Variants in TENM2 observed in about 807,000 individuals in gnomAD.
TENM2 encodes the protein teneurin transmembrane protein 2.
Under a neutral mutation model 245.2 loss-of-function variants are expected in TENM2, and 52 were observed. That is an observed-to-expected ratio of 0.21 (90% CI 0.17 to 0.27). The LOEUF (loss-of-function observed/expected upper bound fraction) is 0.27. TENM2 is among the 10% of genes least tolerant of loss of function. TENM2 has a pLI of 1.00. For missense variants in TENM2, 3,046 were observed against 3,666.8 expected (o/e 0.83, Z 4.37); for synonymous variants, 1,363 against 1,438.9 (o/e 0.95, Z 1.19).
intron 2 of TENM2, among the ~76,000 whole-genome samples, chr5:167,451,949 G>A (rs747420417): frequency 6.6e-6 from 1 of 152,054 alleles, no homozygotes; most frequent in Non-Finnish European, 1.5e-5. Flanking sequence ...GCGTCTGGCA[G>A]CAACTGATTT....
Position 167,595,630 on chromosome 5 carries a change from G to T in TENM2, c.502+220157G>T, listed in dbSNP as rs116805111. 3.9e-3 allele frequency among the ~76,000 whole-genome samples: 592 copies of T among 152,298 alleles called. 3 individuals are homozygous for T. The highest frequency in any genetic ancestry group is 0.013 in the African/African-American group (553 of 41,562). ...ATAAATAGAGAGCCATTTGGATTTC[G>T]TTAGTTGTTTAGTATTCCTTTAGCA... is the stretch of plus-strand genomic sequence containing the variant. On this transcript the variant is annotated intron_variant, in intron 2 of 28. Transcript: ENST00000518659.
chr5:167,453,339 A>C (rs1345323054), intron 2 of TENM2, among the ~76,000 whole-genome samples: 3 of 152,130 alleles, frequency 2.0e-5, no homozygotes, highest in Admixed American at 6.5e-5. Context: ...CACATCTTCC[A>C]CCAATCTGTC....
At chr5:167,751,993 T>G (rs1761989514) in intron 2 of TENM2, among the ~76,000 whole-genome samples, 1 of 151,910 alleles carries the variant, frequency 6.6e-6, no homozygotes, top group African/African-American at 2.4e-5. Context: ...CACACGATTG[T>G]GCAAATAAAT....
chr5:168,160,559 C>T (rs979439211), intron 12 of TENM2, among the ~76,000 whole-genome samples: 1 of 152,212 alleles, frequency 6.6e-6, no homozygotes, highest in African/African-American at 2.4e-5. Context: ...GACTGGCCCA[C>T]ATAGGTCTCT....
intron 2 of TENM2, among the ~76,000 whole-genome samples, chr5:167,376,807 G>A (rs1760778087): frequency 6.6e-6 from 1 of 152,100 alleles, no homozygotes; most frequent in South Asian, 2.1e-4. Context: ...ACTTTTAGAA[G>A]TTTCCATAAA....
chr5:167,139,998 T>C, the TENM2 span, among the ~76,000 whole-genome samples: 1 of 152,196 alleles, frequency 6.6e-6, no homozygotes, highest in African/African-American at 2.4e-5. Flanking sequence ...CTTTCCTTTT[T>C]GCAGATGATG....
At chr5:168,084,249 T>C (rs1792253893) in intron 7 of TENM2, among the ~76,000 whole-genome samples, 1 of 152,194 alleles carries the variant, frequency 6.6e-6, no homozygotes, top group South Asian at 2.1e-4. Flanking sequence ...GGTAGAAGGA[T>C]TTGTTTTCTT....
At position 168,226,917 on chromosome 5, in the gene TENM2, A is replaced by AAAG. The variant is rs1210807482; in HGVS notation, c.5284+655_5284+657dup. 9.9e-5 allele frequency among the ~76,000 whole-genome samples: 15 copies of AAAG among 152,222 alleles called. No individual in the cohort carries two copies. The East Asian group carries it at 1.2e-3, about 12-fold the overall frequency. On this transcript the variant is annotated intron_variant, in intron 24 of 28. Transcript: ENST00000518659. ...TGGGCTAGCCCGTTGTCAGAGGATA[A>AAAG]AAGTGTCCTCTCAGTAGATAAATGG... is the stretch of plus-strand genomic sequence containing the variant.
the TENM2 span, among the ~76,000 whole-genome samples, chr5:167,077,612 T>C: frequency 6.6e-6 from 1 of 152,206 alleles, no homozygotes; most frequent in Non-Finnish European, 1.5e-5. Context: ...AATTATGTAT[T>C]TTTAAATCAT....
In TENM2 at chr5:167,727,832, T is replaced by C. The variant is rs138939205; in HGVS notation, c.503-148154T>C. Among the ~76,000 whole-genome samples, 351 of 152,362 alleles carry C rather than the reference T, an allele frequency of 2.3e-3. 1 individual carries two copies. Among genetic ancestry groups the C allele is most frequent in the African/African-American group, 8.0e-3 (333 of 41,584 alleles). On this transcript the variant is annotated intron_variant, in intron 2 of 28. Transcript: ENST00000518659. ...TGTTAAGAATTCAAATCTAAGTTATTGTAACTCCAGTACAAACTCTTTCCT... is the reference window on the plus strand; with the variant it reads ...TGTTAAGAATTCAAATCTAAGTTATCGTAACTCCAGTACAAACTCTTTCCT...
intron 2 of TENM2, among the ~76,000 whole-genome samples, chr5:167,391,441 C>T (rs1323641279): frequency 6.6e-6 from 1 of 151,902 alleles, no homozygotes; most frequent in African/African-American, 2.4e-5. Flanking sequence ...GCCTGGCCAA[C>T]ATGGTGAAAC....
chr5:167,712,907 A>G (rs1197155235), intron 2 of TENM2, among the ~76,000 whole-genome samples: 1 of 152,172 alleles, frequency 6.6e-6, no homozygotes, highest in African/African-American at 2.4e-5. Context: ...TGAAAAAATC[A>G]TGCTAGGTCT....
chr5:168,262,568 G>A lies in TENM2; in HGVS notation c.8083G>A (p.Val2695Ile), dbSNP rs748111997. 7 of 1,565,146 alleles carry A rather than the reference G, an allele frequency of 4.5e-6. No individual in the cohort carries two copies. The highest frequency in any genetic ancestry group is 3.8e-5 in the Admixed American group (2 of 51,952). ...CACCCTGGACGAAGAGAAGGCCCGC[G>A]TCCTGGACCAGGCGAGACAGAGGGC... Residue 2695 changes from valine (V) to isoleucine (I), a missense_variant, in exon 29 of 29, where the codon GTC becomes ATC. By Grantham distance (29) the Val-to-Ile change is conservative. Around this residue, in one of 2 missense-constraint regions of TENM2, gnomAD observed 2,704 missense variants for 3,331.9 expected, o/e 0.81. Coordinates refer to ENST00000518659, the Ensembl canonical transcript of TENM2.
At chr5:168,101,825 A>C (rs1405472978) in intron 9 of TENM2, among the ~76,000 whole-genome samples, 1 of 141,348 alleles carries the variant, frequency 7.1e-6, no homozygotes, top group African/African-American at 2.7e-5. Flanking sequence ...TCTACCTTTT[A>C]GCCCTATAGA....
chr5:167,399,829 G>T (rs1297927233), intron 2 of TENM2, among the ~76,000 whole-genome samples: 2 of 152,132 alleles, frequency 1.3e-5, no homozygotes, highest in Non-Finnish European at 2.9e-5. Context: ...GTTGCACAAA[G>T]AAGTTAATAT....
At chr5:168,252,800 T>TC (rs375269249) in intron 27 of TENM2, among the ~76,000 whole-genome samples, 5 of 149,794 alleles carry the variant, frequency 3.3e-5, no homozygotes, top group African/African-American at 1.2e-4. Context: ...TGAGCTGAGA[T>TC]CGCACCATTG....
chr5:167,338,725 G>A (rs568107322), intron 1 of TENM2, among the ~76,000 whole-genome samples: 95 of 152,288 alleles, frequency 6.2e-4, no homozygotes, highest in African/African-American at 2.2e-3. Flanking sequence ...CAGGAACTGG[G>A]TGGCTTAAAT....
the TENM2 span, among the ~76,000 whole-genome samples, chr5:167,018,335 A>G: frequency 6.6e-6 from 1 of 152,126 alleles, no homozygotes; most frequent in South Asian, 2.1e-4. Flanking sequence ...CAATAAAGCT[A>G]ATTATCAAAA....
intron 2 of TENM2, among the ~76,000 whole-genome samples, chr5:167,805,967 G>A (rs550708079): frequency 1.6e-4 from 24 of 152,238 alleles, no homozygotes; most frequent in African/African-American, 5.8e-4. Context: ...CATTCAGTGA[G>A]AATACTTTGG....
Sources: allele counts gnomAD v4.1 joint callset (sites outside exome capture counted in the v4.1 genomes callset), GRCh38; gene constraint gnomAD v4.1.1; regional missense constraint gnomAD v4.1.1; transcripts MANE v1.5; gene names NCBI Gene and HGNC (gene_info 2026-07-23, HGNC 2026-07-21).